The following TCF12 variants were observed in gnomAD, a reference collection of about 807,000 sequenced individuals.
The protein encoded by TCF12 is transcription factor 12, also known as DNA-binding protein HTF4.
In TCF12, 45 loss-of-function variants were observed where a neutral mutation model predicts 86.0. The ratio of observed to expected loss-of-function variants is 0.52; its 90% CI spans 0.41 to 0.67. The LOEUF is 0.67. Among genes scored for constraint, TCF12 ranks in the 30% least tolerant of loss-of-function variants. The probability of loss-of-function intolerance (pLI) is 0.00; values close to 1 mark genes in which losing one functional copy is unlikely to be tolerated. For missense variants in TCF12, 881 were observed against 859.9 expected, an observed-to-expected ratio of 1.02 and a Z score of -0.31; for synonymous variants, 330 against 299.6, an observed-to-expected ratio of 1.10 and a Z score of -1.05.
chr15:57,282,436 CT>C lies in TCF12; in HGVS notation c.1979-8del, dbSNP rs2061734605. On this transcript the variant is annotated splice_polypyrimidine_tract_variant and splice_region_variant and intron_variant, in intron 19 of 20. Transcript: ENST00000333725. Reference sequence around the variant, plus strand: ...CCATAGTGATAAAAATTCTTTCCCCCTGTTTTAGAGAGGAACCTTAACCCCA... The same window carrying C: ...CCATAGTGATAAAAATTCTTTCCCCCGTTTTAGAGAGGAACCTTAACCCCA... 1.2e-6 allele frequency: 2 copies of C among 1,613,932 alleles called. No individual in the cohort carries two copies. Among genetic ancestry groups the C allele is most frequent in the Non-Finnish European group, 1.7e-6 (2 of 1,179,986 alleles).
chr15:57,213,525 A>T (rs1279810572), intron 8 of TCF12, among the ~76,000 whole-genome samples: 6 of 152,228 alleles, frequency 3.9e-5, no homozygotes, highest in African/African-American at 1.4e-4. Flanking sequence ...AGTTACTTAC[A>T]GCTTTGGATT....
intron 3 of TCF12, among the ~76,000 whole-genome samples, chr15:56,928,625 T>TAAATCAA (rs2060117494): frequency 6.6e-6 from 1 of 152,210 alleles, no homozygotes; most frequent in African/African-American, 2.4e-5. Context: ...CCTTAACTTT[T>TAAATCAA]CTTTTTTAGT....
chr15:56,924,471 G>C (rs573844612), intron 3 of TCF12, among the ~76,000 whole-genome samples: 2 of 152,328 alleles, frequency 1.3e-5, no homozygotes, highest in Admixed American at 6.5e-5. Context: ...TTGTACCACT[G>C]TAGGTTTTTA....
intron 3 of TCF12, among the ~76,000 whole-genome samples, chr15:56,962,299 G>A (rs1391145388): frequency 1.3e-5 from 2 of 152,154 alleles, no homozygotes; most frequent in Non-Finnish European, 2.9e-5. Flanking sequence ...TGTTTGATGG[G>A]TTTAATTGTT....
At chr15:57,258,243 A>G in intron 16 of TCF12, among the ~76,000 whole-genome samples, 1 of 152,132 alleles carries the variant, frequency 6.6e-6, no homozygotes, top group South Asian at 2.1e-4. Flanking sequence ...TCACACCACC[A>G]TACTTCACCC....
chr15:57,012,382 T>TA (rs2064884850), intron 3 of TCF12, among the ~76,000 whole-genome samples: 1 of 152,196 alleles, frequency 6.6e-6, no homozygotes, highest in Admixed American at 6.5e-5. Context: ...TTAGAACTGT[T>TA]AGAGAAGTAG....
intron 5 of TCF12, among the ~76,000 whole-genome samples, chr15:57,095,292 T>A (rs1222000056): frequency 2.0e-5 from 3 of 152,188 alleles, no homozygotes; most frequent in African/African-American, 7.2e-5. Flanking sequence ...TGTCTCAAGC[T>A]TCTTCCAGCT....
intron 3 of TCF12, among the ~76,000 whole-genome samples, chr15:56,961,854 T>C (rs576487970): frequency 2.0e-5 from 3 of 152,174 alleles, no homozygotes; most frequent in African/African-American, 4.8e-5. Context: ...ATAAAATATG[T>C]TTAATGGGCC....
chr15:57,156,816 A>G (rs1195736543), intron 5 of TCF12, among the ~76,000 whole-genome samples: 1 of 152,208 alleles, frequency 6.6e-6, no homozygotes. Context: ...GTCAAAATAC[A>G]AAAAAGATGT....
intron 4 of TCF12, among the ~76,000 whole-genome samples, chr15:57,077,650 T>C (rs1376525539): frequency 6.6e-6 from 1 of 151,692 alleles, no homozygotes; most frequent in Non-Finnish European, 1.5e-5. Flanking sequence ...CAGGCTGGTC[T>C]CGAACTCCTG....
chr15:56,985,218 G>A (rs1443801182), intron 3 of TCF12, among the ~76,000 whole-genome samples: 1 of 152,156 alleles, frequency 6.6e-6, no homozygotes, highest in Non-Finnish European at 1.5e-5. Context: ...GCAAGTGTGT[G>A]TTCTTTGAGA....
At chr15:57,121,601 C>A (rs1267455880) in intron 5 of TCF12, among the ~76,000 whole-genome samples, 1 of 152,136 alleles carries the variant, frequency 6.6e-6, no homozygotes, top group African/African-American at 2.4e-5. Context: ...TGCCCTTCTG[C>A]CATTTGAAGA....
chr15:57,055,143 G>A (rs937993868), intron 3 of TCF12, among the ~76,000 whole-genome samples: 4 of 152,194 alleles, frequency 2.6e-5, no homozygotes, highest in Admixed American at 6.5e-5. Context: ...GATCACACCT[G>A]TAATCCCAGC....
At chr15:57,203,919 A>AG (rs1438594160) in intron 8 of TCF12, among the ~76,000 whole-genome samples, 2 of 152,206 alleles carry the variant, frequency 1.3e-5, no homozygotes, top group East Asian at 3.9e-4. Context: ...CGGAGGCTAA[A>AG]GTGGGAGGAT....
At chr15:57,069,397 T>TA (rs1339557583) in intron 4 of TCF12, among the ~76,000 whole-genome samples, 1 of 152,176 alleles carries the variant, frequency 6.6e-6, no homozygotes, top group Non-Finnish European at 1.5e-5. Context: ...GAGTGCTTTT[T>TA]AAAAAAATGA....
intron 3 of TCF12, among the ~76,000 whole-genome samples, chr15:57,007,788 TTCTCTC>T (rs201598666): frequency 3.9e-3 from 210 of 53,240 alleles, no homozygotes; most frequent in South Asian, 0.012. Flanking sequence ...CTTTCTTTCT[TTCTCTC>T]TTTCTTTCTT....
intron 3 of TCF12, among the ~76,000 whole-genome samples, chr15:57,026,929 A>G (rs2065859553): frequency 6.6e-6 from 1 of 152,172 alleles, no homozygotes; most frequent in Non-Finnish European, 1.5e-5. Flanking sequence ...AATACCATGT[A>G]GATGCTATGT....
intron 8 of TCF12, among the ~76,000 whole-genome samples, chr15:57,215,918 A>T (rs1467473774): frequency 6.6e-6 from 1 of 152,188 alleles, no homozygotes; most frequent in Admixed American, 6.5e-5. Flanking sequence ...CCCAATCAAC[A>T]GAAAAGTAAG....
intron 5 of TCF12, among the ~76,000 whole-genome samples, chr15:57,149,594 CAG>C (rs2053599131): frequency 6.6e-6 from 1 of 152,112 alleles, no homozygotes; most frequent in Non-Finnish European, 1.5e-5. Flanking sequence ...ATCATAAAAA[CAG>C]AGGTAGTTTA....
Sources: gnomAD v4.1 joint callset for allele counts (sites outside exome capture counted in the v4.1 genomes callset) on GRCh38, gnomAD v4.1.1 for gene constraint, MANE v1.5 for transcripts, NCBI Gene and HGNC (gene_info 2026-07-23, HGNC 2026-07-21) for gene names.